Variants in SH3RF3 observed in about 807,000 individuals in gnomAD.
SH3RF3 encodes the protein E3 ubiquitin-protein ligase SH3RF3.
In SH3RF3, 29 loss-of-function variants were observed where a neutral mutation model predicts 66.3. The observed-to-expected ratio is 0.44, with a 90% CI of 0.33 to 0.60. The LOEUF (loss-of-function observed/expected upper bound fraction) is 0.60, where lower values mean the gene tolerates loss of function less well. Among genes scored for constraint, SH3RF3 ranks in the 20% least tolerant of loss-of-function variants. SH3RF3 has a pLI of 0.04. For synonymous variants in SH3RF3, 583 were observed against 532.0 expected (o/e 1.10, Z -1.32); for missense variants, 1,194 against 1,190.9 (o/e 1.00, Z -0.04).
chr2:109,499,940 T>G (rs1679347433), intron 9 of SH3RF3, among the ~76,000 whole-genome samples: 1 of 151,730 alleles, frequency 6.6e-6, no homozygotes, highest in Non-Finnish European at 1.5e-5. Context: ...CAAGAGAGAA[T>G]GAGGGAGCAG....
At chr2:109,145,349 A>G (rs1677069699) in intron 1 of SH3RF3, among the ~76,000 whole-genome samples, 1 of 152,150 alleles carries the variant, frequency 6.6e-6, no homozygotes, top group African/African-American at 2.4e-5. Flanking sequence ...TTGCAGTCCC[A>G]TGGCCCTGCT....
chr2:109,200,862 C>T (rs116439998), intron 1 of SH3RF3, among the ~76,000 whole-genome samples: 3,386 of 152,340 alleles, frequency 0.022, 120 homozygotes, highest in African/African-American at 0.075. Flanking sequence ...GGCCTCTCAG[C>T]CTGTCATGGG....
chr2:109,409,127 A>G (rs960117602), intron 4 of SH3RF3, among the ~76,000 whole-genome samples: 4 of 152,214 alleles, frequency 2.6e-5, no homozygotes, highest in Non-Finnish European at 5.9e-5. Flanking sequence ...CTCCTCCCAT[A>G]TTCCACTGTT....
chr2:109,278,806 G>T (rs559664050), intron 1 of SH3RF3, among the ~76,000 whole-genome samples: 1 of 152,306 alleles, frequency 6.6e-6, no homozygotes, highest in African/African-American at 2.4e-5. Context: ...CTTGTTTGTG[G>T]GTATTGCATC....
intron 1 of SH3RF3, among the ~76,000 whole-genome samples, chr2:109,194,761 T>G (rs1678456896): frequency 6.6e-6 from 1 of 152,152 alleles, no homozygotes; most frequent in African/African-American, 2.4e-5. Context: ...TCCTGAATGC[T>G]CAAGCTCTGC....
intron 1 of SH3RF3, among the ~76,000 whole-genome samples, chr2:109,152,374 T>C (rs1677242404): frequency 2.6e-5 from 4 of 152,228 alleles, no homozygotes; most frequent in East Asian, 3.9e-4. Context: ...CTTATATTGC[T>C]TTTGTTAGCT....
At chr2:109,500,027 A>G (rs1679350927) in intron 9 of SH3RF3, among the ~76,000 whole-genome samples, 1 of 152,080 alleles carries the variant, frequency 6.6e-6, no homozygotes, top group South Asian at 2.1e-4. Flanking sequence ...GTCCGTGTGA[A>G]CACATCTGGA....
chr2:109,379,508 C>T (rs976527140), intron 3 of SH3RF3, among the ~76,000 whole-genome samples: 2 of 152,094 alleles, frequency 1.3e-5, no homozygotes, highest in African/African-American at 4.8e-5. Context: ...GTCAGGACAC[C>T]CTGATGATGC....
chr2:109,458,796 A>G (rs1290118406), intron 8 of SH3RF3, among the ~76,000 whole-genome samples: 1 of 152,236 alleles, frequency 6.6e-6, no homozygotes, highest in East Asian at 1.9e-4. Flanking sequence ...TTATCAAGGT[A>G]TGTACTTTCA....
rs557095691 is a variant in SH3RF3, at chr2:109,249,974, G to A, written c.574-97700G>A. Among the ~76,000 whole-genome samples the A allele has an allele frequency of 6.6e-5, 10 of 151,802 alleles. No individual in the cohort carries two copies. In the South Asian group the frequency reaches 1.2e-3, roughly 19 times the overall value. ...GCTGGGATTACAGGCGTGAGCCACC[G>A]CGCCCGGCCTGCACCAGATCTCTAC... On this transcript the variant is annotated intron_variant, in intron 1 of 9. Transcript: ENST00000309415.
At chr2:109,286,888 G>A (rs1232809988) in intron 1 of SH3RF3, among the ~76,000 whole-genome samples, 1 of 152,200 alleles carries the variant, frequency 6.6e-6, no homozygotes, top group Non-Finnish European at 1.5e-5. Flanking sequence ...TGTCCCCAGA[G>A]AAAGCAGTCA....
chr2:109,490,950 C>T lies in SH3RF3; in HGVS notation c.2480+14C>T. ...GCCCAGAGAGAGGTAAGTGCAGGGG[C>T]TTGTCTGCTCTGTGGCATGCTGTGG... On this transcript the variant is annotated intron_variant, in intron 9 of 9. Coordinates refer to ENST00000309415, the MANE Select transcript of SH3RF3 (RefSeq NM_001099289.3). The T allele has an allele frequency of 1.4e-6, 2 of 1,459,014 alleles. No homozygotes were observed. Among genetic ancestry groups the T allele is most frequent in the Non-Finnish European group, 1.8e-6 (2 of 1,103,774 alleles). 90.4% of individuals were successfully genotyped at this position (1,459,014 alleles called of 1,614,324 possible). A position where few individuals can be genotyped will look rare whatever the true frequency, so the allele number is the denominator to read the frequency against.
chr2:109,165,887 G>A (rs1677608272), intron 1 of SH3RF3, among the ~76,000 whole-genome samples: 1 of 152,226 alleles, frequency 6.6e-6, no homozygotes, highest in African/African-American at 2.4e-5. Flanking sequence ...GGATGCCTGT[G>A]CAAGAAGACC....
At chr2:109,450,995 G>C (rs1677851634) in intron 8 of SH3RF3, among the ~76,000 whole-genome samples, 1 of 152,186 alleles carries the variant, frequency 6.6e-6, no homozygotes. Flanking sequence ...CGGGCTCTCT[G>C]CCCATCACCC....
Position 109,449,409 on chromosome 2 carries a change from G to A in SH3RF3, c.2068G>A (p.Gly690Arg), listed in dbSNP as rs1403092506. 6.2e-7 allele frequency: 1 copy of A among 1,613,620 alleles called. No homozygotes were observed. Among genetic ancestry groups the A allele is most frequent in the Admixed American group, 1.7e-5 (1 of 59,956 alleles). ...VSAANLNGEA[G>R]GGPIGVLSTS... ...TGCCGCAAACCTCAACGGGGAGGCT[G>A]GAGGGGGGCCCATCGGTGTTCTGTC... Residue 690 changes from glycine (G) to arginine (R), a missense_variant, in exon 8 of 10, where the codon GGA becomes AGA. Physicochemically the swap from Gly to Arg is moderately radical, Grantham distance 125. Coordinates refer to ENST00000309415, the MANE Select transcript of SH3RF3 (RefSeq NM_001099289.3).
intron 3 of SH3RF3, among the ~76,000 whole-genome samples, chr2:109,374,044 T>C (rs552693910): frequency 6.6e-6 from 1 of 152,196 alleles, no homozygotes; most frequent in East Asian, 1.9e-4. Flanking sequence ...TGCCTGTGGG[T>C]CTGAAAAGCC....
chr2:109,423,472 G>A (rs1458327054), intron 5 of SH3RF3, among the ~76,000 whole-genome samples: 1 of 152,182 alleles, frequency 6.6e-6, no homozygotes, highest in Non-Finnish European at 1.5e-5. Context: ...ACAGGAAAAG[G>A]ACTGCTGACC....
At chr2:109,402,838 C>T (rs894058968) in intron 4 of SH3RF3, among the ~76,000 whole-genome samples, 1 of 152,124 alleles carries the variant, frequency 6.6e-6, no homozygotes, top group Non-Finnish European at 1.5e-5. Context: ...TGGTATCGTC[C>T]CTGGTAGTTA....
chr2:109,225,915 T>C (rs1387533490), intron 1 of SH3RF3, among the ~76,000 whole-genome samples: 1 of 152,176 alleles, frequency 6.6e-6, no homozygotes, highest in Non-Finnish European at 1.5e-5. Context: ...ATAGTCGCTT[T>C]CCACCATGCC....
Sources: allele counts gnomAD v4.1 joint callset (sites outside exome capture counted in the v4.1 genomes callset), GRCh38; gene constraint gnomAD v4.1.1; transcripts MANE v1.5; gene names NCBI Gene and HGNC (gene_info 2026-07-23, HGNC 2026-07-21).